Variants in LRFN2 observed in about 807,000 individuals in gnomAD.
The protein encoded by LRFN2 is leucine rich repeat and fibronectin type III domain containing 2.
In LRFN2, 18 loss-of-function variants were observed where a neutral mutation model predicts 37.3. The ratio of observed to expected loss-of-function variants is 0.48; its 90% CI spans 0.33 to 0.72. LRFN2 has a LOEUF of 0.72. Ranked by LOEUF, LRFN2 falls within the 30% of genes least tolerant of loss-of-function variation. LRFN2 has a pLI of 0.02. For synonymous variants in LRFN2, 556 were observed against 466.6 expected (o/e 1.19, Z -2.47); for missense variants, 1,006 against 1,060.7 (o/e 0.95, Z 0.72).
intron 1 of LRFN2, among the ~76,000 whole-genome samples, chr6:40,552,804 T>C (rs918974785): frequency 5.3e-5 from 8 of 152,222 alleles, no homozygotes; most frequent in African/African-American, 1.9e-4. Flanking sequence ...TGCATATTCC[T>C]GCCAATCTTT....
chr6:40,514,201 A>G (rs1241776981), intron 1 of LRFN2, among the ~76,000 whole-genome samples: 1 of 152,190 alleles, frequency 6.6e-6, no homozygotes, highest in Non-Finnish European at 1.5e-5. Flanking sequence ...TAAGAACTCC[A>G]TGTGAAAGAA....
At chr6:40,526,299 G>A (rs1766253272) in intron 1 of LRFN2, among the ~76,000 whole-genome samples, 3 of 152,210 alleles carry the variant, frequency 2.0e-5, no homozygotes, top group Admixed American at 2.0e-4. Flanking sequence ...AATGGTGTGT[G>A]TATGCGTCAC....
intron 2 of LRFN2, among the ~76,000 whole-genome samples, chr6:40,428,222 T>C (rs1411195074): frequency 1.3e-5 from 2 of 152,256 alleles, no homozygotes; most frequent in African/African-American, 4.8e-5. Flanking sequence ...CTGGGGAAGA[T>C]GGAGGCAAGT....
At chr6:40,520,975 A>G (rs1766046831) in intron 1 of LRFN2, among the ~76,000 whole-genome samples, 1 of 152,206 alleles carries the variant, frequency 6.6e-6, no homozygotes, top group Non-Finnish European at 1.5e-5. Flanking sequence ...TGGAACAAAC[A>G]GGCCAGGCGG....
At position 40,391,759 on chromosome 6, in the gene LRFN2, C is replaced by T. The variant is rs779764435; in HGVS notation, c.*184G>A. On this transcript the variant is annotated 3_prime_UTR_variant, in exon 3 of 3. Coordinates refer to ENST00000338305, the MANE Select transcript of LRFN2 (RefSeq NM_020737.3). ...GAGTCCACATTCCCTGAGCACACCCCGGCCGGGTGGTGGGGAGGTGATGTG... is the reference window on the plus strand; with the variant it reads ...GAGTCCACATTCCCTGAGCACACCCTGGCCGGGTGGTGGGGAGGTGATGTG... 4 of 544,136 alleles carry T rather than the reference C, an allele frequency of 7.4e-6. No homozygotes were observed. Among genetic ancestry groups the T allele is most frequent in the African/African-American group, 4.0e-5 (2 of 50,474 alleles). 33.7% of individuals were successfully genotyped at this position (544,136 alleles called of 1,614,324 possible). A position where few individuals can be genotyped will look rare whatever the true frequency, so the allele number is the denominator to read the frequency against.
intron 1 of LRFN2, among the ~76,000 whole-genome samples, chr6:40,559,198 G>A (rs1481804975): frequency 6.6e-6 from 1 of 152,100 alleles, no homozygotes. Context: ...GAGACAGTGG[G>A]CCTGATGGGG....
rs75952042 is a variant in LRFN2 at position 40,412,299 on chromosome 6, A to C, written c.1401-19387T>G. ...TTTTCTGACCTTCCTCAGTCAAGGA[A>C]CTCATATTTTGAGGGATCCCTTTGA... On this transcript the variant is annotated intron_variant, in intron 2 of 2. Transcript: ENST00000338305. Among the ~76,000 whole-genome samples the C allele has an allele frequency of 4.6e-4, 70 of 152,146 alleles. No homozygotes were observed. In the East Asian group the frequency reaches 9.9e-3, roughly 21 times the overall value.
At chr6:40,472,811 C>G (rs139453856) in intron 1 of LRFN2, among the ~76,000 whole-genome samples, 2 of 152,164 alleles carry the variant, frequency 1.3e-5, no homozygotes, top group Admixed American at 6.5e-5. Context: ...CATGTAGGCA[C>G]CATGTCATTC....
intron 1 of LRFN2, among the ~76,000 whole-genome samples, chr6:40,479,330 G>A (rs932168704): frequency 6.6e-6 from 1 of 152,132 alleles, no homozygotes; most frequent in Admixed American, 6.5e-5. Flanking sequence ...CTCAGAAGAG[G>A]GCTTCCCACT....
At chr6:40,419,648 G>A (rs905678951) in intron 2 of LRFN2, among the ~76,000 whole-genome samples, 7 of 152,214 alleles carry the variant, frequency 4.6e-5, no homozygotes, top group African/African-American at 1.7e-4. Flanking sequence ...GCCCTCACAG[G>A]CCTTTGACTG....
At chr6:40,537,470 CAAG>C (rs941175873) in intron 1 of LRFN2, among the ~76,000 whole-genome samples, 13 of 152,248 alleles carry the variant, frequency 8.5e-5, no homozygotes, top group South Asian at 4.2e-4. Flanking sequence ...AGGAAATTTC[CAAG>C]AAGAAGTATC....
Position 40,392,304 on chromosome 6 carries a change from T to A in LRFN2, c.2009A>T (p.Lys670Met). 6.2e-7 allele frequency: 1 copy of A among 1,610,588 alleles called. No individual in the cohort carries two copies. Residue 670 changes from lysine (K) to methionine (M), a missense_variant, in exon 3 of 3, where the codon AAG becomes ATG. This residue lies in a region of LRFN2 where 398 missense variants were observed against 327.6 expected (regional missense o/e 1.21). Transcript: ENST00000338305. The surrounding 1 kb of genome is among the most constrained non-coding windows in gnomAD (Gnocchi z 4.7). ...FASLDLKSQR[K>M]EELLDSRTPA... ...AGTCCTGGAGTCCAGCAGCTCCTCC[T>A]TTCTCTGACTCTTGAGGTCCAGGGA...
At position 40,571,132 on chromosome 6, in the gene LRFN2, T is replaced by C. The variant is rs76520941; in HGVS notation, c.-19+15809A>G. On this transcript the variant is annotated intron_variant, in intron 1 of 2. Transcript: ENST00000338305. ...CCAGTCACAGGACCATCATGGTGCA[T>C]TATAATTGTTTGTTTACCTCTCTGC... Among the ~76,000 whole-genome samples the C allele has an allele frequency of 3.6e-3, 554 of 152,210 alleles. 2 individuals carry two copies. Among genetic ancestry groups the C allele is most frequent in the African/African-American group, 0.013 (523 of 41,530 alleles).
In LRFN2 at chr6:40,392,942, G is replaced by A. The variant is rs751021862; in HGVS notation, c.1401-30C>T. Reference sequence around the variant, plus strand: ...GGAGGGAGGTGGACAGAAATAGTGAGGGGTGGTGGGGTGGAAGGACAGGGT... The same window carrying A: ...GGAGGGAGGTGGACAGAAATAGTGAAGGGTGGTGGGGTGGAAGGACAGGGT... On this transcript the variant is annotated intron_variant, in intron 2 of 2. Transcript: ENST00000338305. This position sits in a 1 kb window ranked among gnomAD's most constrained non-coding sequence, Gnocchi z 4.7. 1.2e-5 allele frequency: 19 copies of A among 1,575,194 alleles called. No homozygotes were observed. The South Asian group carries it at 2.3e-4, about 19-fold the overall frequency.
intron 1 of LRFN2, among the ~76,000 whole-genome samples, chr6:40,531,474 A>C (rs1766339726): frequency 6.6e-6 from 1 of 152,188 alleles, no homozygotes; most frequent in African/African-American, 2.4e-5. Context: ...GGAGGGTCAC[A>C]AAGTATGCCT....
intron 1 of LRFN2, among the ~76,000 whole-genome samples, chr6:40,567,694 T>C (rs1170319437): frequency 6.6e-6 from 1 of 152,202 alleles, no homozygotes; most frequent in Non-Finnish European, 1.5e-5. Flanking sequence ...GACATGTTTG[T>C]ATACAAGCAC....
chr6:40,465,308 G>A (rs1015139753), intron 1 of LRFN2, among the ~76,000 whole-genome samples: 1 of 152,110 alleles, frequency 6.6e-6, no homozygotes, highest in East Asian at 1.9e-4. Flanking sequence ...CTACAGAACC[G>A]TCGGATCATA....
intron 2 of LRFN2, among the ~76,000 whole-genome samples, chr6:40,420,365 G>A (rs926697731): frequency 6.6e-6 from 1 of 152,202 alleles, no homozygotes; most frequent in Non-Finnish European, 1.5e-5. Flanking sequence ...ACACATTCAT[G>A]CCAGACCATA....
intron 1 of LRFN2, among the ~76,000 whole-genome samples, chr6:40,534,866 G>T (rs1289434359): frequency 6.6e-6 from 1 of 152,076 alleles, no homozygotes. Flanking sequence ...GGTGCCCCGC[G>T]CCCATCTTAG....
Sources: gnomAD v4.1 joint callset for allele counts (sites outside exome capture counted in the v4.1 genomes callset) on GRCh38, gnomAD v4.1.1 for gene constraint, gnomAD v4.1.1 regional missense constraint, Gnocchi (gnomAD v3.1) non-coding constraint, MANE v1.5 for transcripts, NCBI Gene and HGNC (gene_info 2026-07-23, HGNC 2026-07-21) for gene names.